Variants in UNC13B observed in about 807,000 individuals in gnomAD.
UNC13B encodes the protein unc-13 homolog B, also known as protein unc-13 homolog B.
A neutral mutation model predicts 211.0 loss-of-function variants in UNC13B; 144 were observed. The observed-to-expected ratio is 0.68, with a 90% confidence interval of 0.60 to 0.78. The LOEUF is 0.78. UNC13B is among the 30% of genes least tolerant of loss of function. The pLI is 0.00. For synonymous variants in UNC13B, 709 were observed against 725.8 expected, an observed-to-expected ratio of 0.98 and a Z score of 0.37; for missense variants, 1,777 against 2,002.0, an observed-to-expected ratio of 0.89 and a Z score of 2.14.
intron 22 of UNC13B, 183 bp downstream of exon 22, chr9:35,384,497 A>G (rs1835060494): frequency 1.0e-6 from 1 of 985,356 alleles, no homozygotes. Flanking sequence ...CATGTGGTGT[A>G]TAAATAGCAG....
chr9:35,390,002 G>T (rs1376886079), intron 25 of UNC13B, 29 bp downstream of exon 25: 1 of 1,610,918 alleles, frequency 6.2e-7, no homozygotes, highest in African/African-American at 1.3e-5. Flanking sequence ...GGCCCTGTCT[G>T]TTGGTGGTTG....
intron 6 of UNC13B, among the ~76,000 whole-genome samples, chr9:35,251,211 G>C (rs551746699): frequency 2.0e-5 from 3 of 151,958 alleles, no homozygotes; most frequent in Non-Finnish European, 4.4e-5. Context: ...TGATCCGCCC[G>C]CCTCGGCCTC....
At position 35,382,441 on chromosome 9, in the gene UNC13B, C is replaced by T. The variant is rs1454340187; in HGVS notation, c.10740C>T (p.Tyr3580=). The T allele has an allele frequency of 6.2e-7, 1 of 1,614,204 alleles. No individual in the cohort carries two copies. Residue 3580 remains tyrosine, a synonymous_variant, in exon 21 of 40, where the codon TAC becomes TAT. Coordinates refer to ENST00000635942, the MANE Select transcript of UNC13B (RefSeq NM_001371189.2). The part of the protein sequence containing the change: ...MSTLLANINA[Y]YAHTTASTNV... Reference sequence around the variant, plus strand: ...CCTTACTGGCCAACATCAACGCCTACTATGCCCACACAACTGCCTCTACCA... The same window carrying T: ...CCTTACTGGCCAACATCAACGCCTATTATGCCCACACAACTGCCTCTACCA...
rs376118969 is a variant in UNC13B, at chr9:35,272,659, A to G, written c.526+13609A>G. Among the ~76,000 whole-genome samples the G allele has an allele frequency of 7.5e-4, 115 of 152,352 alleles. 1 individual carries two copies. In the South Asian group the frequency reaches 0.019, roughly 25 times the overall value. On this transcript the variant is annotated intron_variant, in intron 7 of 39. Transcript: ENST00000635942. ...TTAAAAGGGATAAATATTTTAAAAT[A>G]ACCCAAGCCTGACAATACAGAAGCA...
intron 4 of UNC13B, 44 bp downstream of exon 4, chr9:35,236,630 A>C (rs1362586400): frequency 6.5e-7 from 1 of 1,531,552 alleles, no homozygotes; most frequent in South Asian, 1.1e-5. Context: ...TTCCCAGCCC[A>C]TGCTTCTCCC....
At chr9:35,372,029 T>G (rs1834160797) in intron 13 of UNC13B, 1 of 152,852 alleles carries the variant, frequency 6.5e-6, no homozygotes, top group Non-Finnish European at 1.5e-5. Flanking sequence ...CCCAGCACTT[T>G]GGGAGGCTGA....
chr9:35,262,328 CT>C (rs1827328941), intron 7 of UNC13B, among the ~76,000 whole-genome samples: 1 of 140,580 alleles, frequency 7.1e-6, no homozygotes, highest in African/African-American at 2.6e-5. Flanking sequence ...TCTTTCTTTC[CT>C]TTCTTGAGAA....
At chr9:35,162,337 G>A in intron 1 of UNC13B, 32 bp downstream of exon 1, 1 of 1,529,586 alleles carries the variant, frequency 6.5e-7, no homozygotes, top group East Asian at 2.5e-5. Flanking sequence ...GGGAGGCGGG[G>A]TGTCGGCGTA....
rs909196807 is a variant in UNC13B, at chr9:35,390,489, C to T, written c.11223-140C>T. 1.2e-5 allele frequency: 11 copies of T among 929,842 alleles called. No homozygotes were observed. The Admixed American group carries it at 2.1e-4, about 18-fold the overall frequency. The allele number at this position is 929,842 out of a possible 1,614,324, so 57.6% of individuals were successfully genotyped here. ...CCCCTGGCCCCTGGGCCCCTTTTCTCCAGATTGGACCTAGCCCTGTTCCCT... is the reference window on the plus strand; with the variant it reads ...CCCCTGGCCCCTGGGCCCCTTTTCTTCAGATTGGACCTAGCCCTGTTCCCT... On this transcript the variant is annotated intron_variant, in intron 25 of 39. Transcript: ENST00000635942.
At chr9:35,220,476 T>G (rs1490771469) in intron 1 of UNC13B, among the ~76,000 whole-genome samples, 1 of 151,910 alleles carries the variant, frequency 6.6e-6, no homozygotes. Flanking sequence ...TTCTACTGTT[T>G]CCATGAGTTC....
chr9:35,240,960 C>A (rs1414061789), intron 5 of UNC13B, among the ~76,000 whole-genome samples: 1 of 149,734 alleles, frequency 6.7e-6, no homozygotes, highest in Non-Finnish European at 1.5e-5. Context: ...GAGGCTGAGG[C>A]AGGAGAATCA....
At chr9:35,357,027 A>G (rs1833067972) in intron 11 of UNC13B, among the ~76,000 whole-genome samples, 2 of 152,184 alleles carry the variant, frequency 1.3e-5, no homozygotes, top group Admixed American at 1.3e-4. Context: ...CTTATTATGA[A>G]TAATGCTGCT....
Position 35,197,863 on chromosome 9 carries a change from A to C in UNC13B, c.23-30152A>C, listed in dbSNP as rs963360337. Among the ~76,000 whole-genome samples, 14 of 152,320 alleles carry C rather than the reference A, an allele frequency of 9.2e-5. 2 individuals are homozygous for C. The South Asian group carries it at 2.7e-3, about 29-fold the overall frequency. ...AGGCATCCCTTGCCATGCTTCCTGT[A>C]CAGCCTGTGGAACTGTGAACCAATG... On this transcript the variant is annotated intron_variant, in intron 1 of 39. Transcript: ENST00000635942.
chr9:35,389,758 G>A, intron 24 of UNC13B, 88 bp from the exon 25 acceptor site: 1 of 1,439,880 alleles, frequency 6.9e-7, no homozygotes, highest in Non-Finnish European at 9.6e-7. Flanking sequence ...GGTATAGGAA[G>A]GGGAAGAGAA....
intron 11 of UNC13B, among the ~76,000 whole-genome samples, chr9:35,335,694 CTT>C (rs556687609): frequency 5.7e-5 from 8 of 139,478 alleles, no homozygotes; most frequent in Admixed American, 7.5e-5. Context: ...CCTTCTTGGC[CTT>C]TTTTTTTTTT....
At chr9:35,387,821 A>C (rs950643366) in intron 24 of UNC13B, among the ~76,000 whole-genome samples, 2 of 152,188 alleles carry the variant, frequency 1.3e-5, no homozygotes, top group African/African-American at 4.8e-5. Flanking sequence ...GGTTTAGTGG[A>C]GGTCAGGGCA....
At chr9:35,368,231 G>A (rs1230715434) in intron 12 of UNC13B, among the ~76,000 whole-genome samples, 1 of 151,952 alleles carries the variant, frequency 6.6e-6, no homozygotes, top group African/African-American at 2.4e-5. Flanking sequence ...CCTCAAGTAG[G>A]CCCGTGTCTG....
At chr9:35,340,589 T>C (rs930058257) in intron 11 of UNC13B, among the ~76,000 whole-genome samples, 1 of 152,222 alleles carries the variant, frequency 6.6e-6, no homozygotes, top group Non-Finnish European at 1.5e-5. Flanking sequence ...TGAGGAATGT[T>C]GCAGGGCAGC....
chr9:35,394,996 T>C lies in UNC13B; in HGVS notation c.11309-1480T>C, dbSNP rs145352515. 3.3e-3 allele frequency among the ~76,000 whole-genome samples: 503 copies of C among 152,288 alleles called. 2 individuals are homozygous for C. The highest frequency in any genetic ancestry group is 5.4e-3 in the Non-Finnish European group (369 of 68,006). ...CCTAAAAGAAAGAGTTAGGGAGTTA[T>C]GGAGTGATGGGCAGTCCTGCTTGAA... On this transcript the variant is annotated intron_variant, in intron 26 of 39. Transcript: ENST00000635942.
Sources: gnomAD v4.1 joint callset for allele counts (sites outside exome capture counted in the v4.1 genomes callset) on GRCh38, gnomAD v4.1.1 for gene constraint, MANE v1.5 for transcripts, NCBI Gene and HGNC (gene_info 2026-07-23, HGNC 2026-07-21) for gene names.